Variants in FNIP2 observed in about 807,000 individuals in gnomAD.
The protein encoded by FNIP2 is folliculin-interacting protein 2.
FNIP2 carries 32 observed loss-of-function variants against 108.7 expected under a neutral mutation model. The ratio of observed to expected loss-of-function variants is 0.29; its 90% CI spans 0.22 to 0.40. FNIP2 has a LOEUF of 0.40. Among genes scored for constraint, FNIP2 ranks in the 10% least tolerant of loss-of-function variants. FNIP2 has a pLI of 1.00. For missense variants in FNIP2, 1,202 were observed against 1,381.6 expected (o/e 0.87, Z 2.06); for synonymous variants, 480 against 496.7 (o/e 0.97, Z 0.45).
intron 8 of FNIP2, among the ~76,000 whole-genome samples, chr4:158,853,374 A>C (rs2126656839): frequency 6.6e-6 from 1 of 152,096 alleles, no homozygotes; most frequent in East Asian, 1.9e-4. Context: ...CATCTGGATA[A>C]ATTTTTTTTA....
At chr4:158,843,277 A>C (rs1357314597) in intron 7 of FNIP2, among the ~76,000 whole-genome samples, 4 of 152,254 alleles carry the variant, frequency 2.6e-5, no homozygotes, top group African/African-American at 4.8e-5. Flanking sequence ...TGTTGGCCAC[A>C]GGAAACTTTT....
At chr4:158,769,926 A>G (rs1340037676) in intron 1 of FNIP2, among the ~76,000 whole-genome samples, 1 of 152,236 alleles carries the variant, frequency 6.6e-6, no homozygotes, top group African/African-American at 2.4e-5. Flanking sequence ...AATTGATCAA[A>G]GCTGATATGT....
At chr4:158,826,499 A>G (rs1025344633) in intron 2 of FNIP2, among the ~76,000 whole-genome samples, 1 of 152,270 alleles carries the variant, frequency 6.6e-6, no homozygotes, top group African/African-American at 2.4e-5. Flanking sequence ...TTGCTTATTT[A>G]CAGGACTTCC....
chr4:158,869,859 GA>G (rs1229521902), intron 13 of FNIP2, among the ~76,000 whole-genome samples: 8 of 152,244 alleles, frequency 5.3e-5, no homozygotes, highest in African/African-American at 1.9e-4. Flanking sequence ...AGGTGGTTGG[GA>G]AACAACACCT....
intron 1 of FNIP2, among the ~76,000 whole-genome samples, chr4:158,816,006 C>G (rs1777546632): frequency 6.6e-6 from 1 of 152,086 alleles, no homozygotes; most frequent in Admixed American, 6.5e-5. Context: ...TGTACATAAT[C>G]ATTTTGTGCC....
intron 1 of FNIP2, among the ~76,000 whole-genome samples, chr4:158,797,686 A>G (rs904398889): frequency 1.3e-5 from 2 of 152,174 alleles, no homozygotes; most frequent in African/African-American, 2.4e-5. Flanking sequence ...GTGTCAGAGC[A>G]AGACCCTGTC....
At chr4:158,794,144 C>T (rs910541311) in intron 1 of FNIP2, among the ~76,000 whole-genome samples, 2 of 152,054 alleles carry the variant, frequency 1.3e-5, no homozygotes, top group Non-Finnish European at 2.9e-5. Context: ...AAACAAAATA[C>T]TAAAATTCAT....
At chr4:158,781,460 C>T (rs924516618) in intron 1 of FNIP2, among the ~76,000 whole-genome samples, 3 of 151,986 alleles carry the variant, frequency 2.0e-5, no homozygotes, top group Non-Finnish European at 4.4e-5. Flanking sequence ...GGGAGGGACC[C>T]CAGTCTATAC....
At chr4:158,838,903 A>G (rs1778961004) in intron 7 of FNIP2, among the ~76,000 whole-genome samples, 1 of 152,084 alleles carries the variant, frequency 6.6e-6, no homozygotes, top group South Asian at 2.1e-4. Flanking sequence ...CTGGTTAGGT[A>G]TTTTGTAGAT....
At chr4:158,877,660 G>C (rs570345125) in intron 14 of FNIP2, among the ~76,000 whole-genome samples, 1 of 152,360 alleles carries the variant, frequency 6.6e-6, no homozygotes, top group East Asian at 1.9e-4. Context: ...ACCTGATGGG[G>C]CAGAGATGCT....
At chr4:158,864,640 G>A (rs900693647) in intron 12 of FNIP2, among the ~76,000 whole-genome samples, 14 of 151,874 alleles carry the variant, frequency 9.2e-5, no homozygotes, top group Admixed American at 2.6e-4. Flanking sequence ...TTCCTTTACA[G>A]GGCTTCTAAA....
At chr4:158,901,450 C>G (rs1729260074) in intron 16 of FNIP2, among the ~76,000 whole-genome samples, 1 of 152,102 alleles carries the variant, frequency 6.6e-6, no homozygotes, top group African/African-American at 2.4e-5. Context: ...CTCCGTGAAT[C>G]TGACCATTAT....
intron 8 of FNIP2, among the ~76,000 whole-genome samples, chr4:158,854,026 A>AT (rs1303313524): frequency 6.6e-6 from 1 of 152,120 alleles, no homozygotes; most frequent in Non-Finnish European, 1.5e-5. Flanking sequence ...AAAACAGTGT[A>AT]TTTTTTTGTC....
At chr4:158,894,983 T>G (rs1375651313) in intron 15 of FNIP2, among the ~76,000 whole-genome samples, 1 of 152,202 alleles carries the variant, frequency 6.6e-6, no homozygotes, top group African/African-American at 2.4e-5. Flanking sequence ...TTAGGTATGA[T>G]GGAATTACCC....
chr4:158,856,469 G>A (rs1779989234), intron 8 of FNIP2, among the ~76,000 whole-genome samples: 1 of 152,152 alleles, frequency 6.6e-6, no homozygotes, highest in Non-Finnish European at 1.5e-5. Flanking sequence ...AATTCTATTT[G>A]ATTTCTTTAT....
At chr4:158,821,933 C>T (rs1235934463) in intron 1 of FNIP2, among the ~76,000 whole-genome samples, 1 of 151,860 alleles carries the variant, frequency 6.6e-6, no homozygotes, top group Non-Finnish European at 1.5e-5. Flanking sequence ...ACAAAAAATA[C>T]AAAGAAATTA....
At chr4:158,826,068 C>A (rs756788916) in intron 2 of FNIP2, 26 bp downstream of exon 2, 2 of 1,596,246 alleles carry the variant, frequency 1.3e-6, no homozygotes, top group South Asian at 2.2e-5. Flanking sequence ...TTGCTTTCTC[C>A]TTTTCTTTTG....
chr4:158,872,345 T>C, intron 14 of FNIP2: 1 of 985,466 alleles, frequency 1.0e-6, no homozygotes, highest in Non-Finnish European at 1.2e-6. Context: ...TCTGGCTCTA[T>C]AATTCTTTTA....
At chr4:158,822,551 GC>G (rs1376782673) in intron 1 of FNIP2, among the ~76,000 whole-genome samples, 2 of 152,170 alleles carry the variant, frequency 1.3e-5, no homozygotes, top group African/African-American at 4.8e-5. Context: ...GAGTCGGAGT[GC>G]AGTGGTATGA....
Sources: gnomAD v4.1 joint callset for allele counts (sites outside exome capture counted in the v4.1 genomes callset) on GRCh38, gnomAD v4.1.1 for gene constraint, MANE v1.5 for transcripts, NCBI Gene and HGNC (gene_info 2026-07-23, HGNC 2026-07-21) for gene names.